Variants in PPP2R5E observed in about 807,000 individuals in gnomAD.
The protein encoded by PPP2R5E is protein phosphatase 2 regulatory subunit B'epsilon.
A neutral mutation model predicts 65.3 loss-of-function variants in PPP2R5E; 4 were observed. That is an observed-to-expected ratio of 0.06 (90% CI 0.03 to 0.14). PPP2R5E has a LOEUF of 0.14. PPP2R5E is among the 10% of genes least tolerant of loss of function. The pLI is 1.00. For missense variants in PPP2R5E, 274 were observed against 556.1 expected, an observed-to-expected ratio of 0.49 and a Z score of 5.10; for synonymous variants, 183 against 187.4, an observed-to-expected ratio of 0.98 and a Z score of 0.19.
intron 2 of PPP2R5E, among the ~76,000 whole-genome samples, chr14:63,467,023 G>A (rs1332538600): frequency 6.6e-6 from 1 of 151,904 alleles, no homozygotes; most frequent in Non-Finnish European, 1.5e-5. Flanking sequence ...TCAGGAGATC[G>A]AGACCATCCT....
chr14:63,506,026 T>C (rs61983974), intron 2 of PPP2R5E, among the ~76,000 whole-genome samples: 19,121 of 152,180 alleles, frequency 0.13, 1,337 homozygotes, highest in East Asian at 0.21. Context: ...TTTCTGAGCA[T>C]GTAAATATTT....
chr14:63,516,704 C>T (rs2139711636), intron 2 of PPP2R5E, among the ~76,000 whole-genome samples: 1 of 152,302 alleles, frequency 6.6e-6, no homozygotes, highest in Middle Eastern at 3.4e-3. Flanking sequence ...TCCAATTCCC[C>T]AATCTCCAAC....
intron 2 of PPP2R5E, among the ~76,000 whole-genome samples, chr14:63,520,851 T>TAAA: frequency 3.7e-5 from 1 of 26,724 alleles, no homozygotes; most frequent in Non-Finnish European, 8.8e-5. Flanking sequence ...TCATCTCTAC[T>TAAA]AAAAATACAA....
intron 2 of PPP2R5E, among the ~76,000 whole-genome samples, chr14:63,520,843 A>G (rs113055727): frequency 0.23 from 31,095 of 135,768 alleles, 4,954 homozygotes; most frequent in African/African-American, 0.47. Flanking sequence ...GTGAAACCTC[A>G]TCTCTACTAA....
chr14:63,487,361 CT>C (rs1167013523), intron 2 of PPP2R5E, among the ~76,000 whole-genome samples: 8 of 152,170 alleles, frequency 5.3e-5, no homozygotes, highest in East Asian at 1.9e-4. Context: ...CCACCCCCCC[CT>C]CTTAAATTCC....
rs1372315138 is a variant in PPP2R5E, at chr14:63,381,629, TATAA to T, written c.1304+423_1304+426del. On this transcript the variant is annotated intron_variant, in intron 13 of 13. Transcript: ENST00000337537. ...GTTAATAAGTGTGCAAAAATGAATA[TATAA>T]ATACAGTCATGTGCCAAATAACAAC... 1.4e-4 allele frequency among the ~76,000 whole-genome samples: 22 copies of T among 152,192 alleles called. 1 individual carries two copies. The highest frequency in any genetic ancestry group is 1.4e-3 in the Admixed American group (22 of 15,280).
At chr14:63,474,413 A>G (rs1322871511) in intron 2 of PPP2R5E, among the ~76,000 whole-genome samples, 23 of 152,138 alleles carry the variant, frequency 1.5e-4, no homozygotes, top group Admixed American at 1.5e-3. Context: ...CAAGTGTTAC[A>G]CTGACAATGT....
rs1883862427 is a variant in PPP2R5E, at chr14:63,374,405, C to T, written c.*1604G>A. On this transcript the variant is annotated 3_prime_UTR_variant, in exon 14 of 14. Coordinates refer to ENST00000337537, the MANE Select transcript of PPP2R5E (RefSeq NM_006246.5). ...AATTCAACATATGAACACAGATCAG[C>T]TCTATACCATGAATACTGCTGGAAG... is the stretch of plus-strand genomic sequence containing the variant. 1 of 151,780 alleles carries T rather than the reference C, an allele frequency of 6.6e-6. No individual in the cohort carries two copies. The highest frequency in any genetic ancestry group is 1.5e-5 in the Non-Finnish European group (1 of 67,928). 9.4% of individuals were successfully genotyped at this position (151,780 alleles called of 1,614,324 possible). A position where few individuals can be genotyped will look rare whatever the true frequency, so the allele number is the denominator to read the frequency against.
chr14:63,415,714 T>C (rs115323388), intron 4 of PPP2R5E, among the ~76,000 whole-genome samples: 452 of 152,332 alleles, frequency 3.0e-3, no homozygotes, highest in African/African-American at 0.01. Context: ...TCATTCTTAG[T>C]AGCTGTAAGT....
chr14:63,513,554 T>C lies in PPP2R5E; in HGVS notation c.157+25975A>G, dbSNP rs559887032. 2.0e-3 allele frequency among the ~76,000 whole-genome samples: 298 copies of C among 152,250 alleles called. 1 individual carries two copies. Among genetic ancestry groups the C allele is most frequent in the Non-Finnish European group, 3.7e-3 (251 of 67,996 alleles). ...AACCTAAAATTCACTTCCTGCATATTAAAAACAAATGAACAGATTGTAGAG... is the reference window on the plus strand; with the variant it reads ...AACCTAAAATTCACTTCCTGCATATCAAAAACAAATGAACAGATTGTAGAG... On this transcript the variant is annotated intron_variant, in intron 2 of 13. Transcript: ENST00000337537.
intron 10 of PPP2R5E, 84 bp from the exon 11 acceptor site, chr14:63,389,815 A>G: frequency 1.5e-6 from 2 of 1,352,996 alleles, no homozygotes; most frequent in Non-Finnish European, 1.9e-6. Flanking sequence ...GAGAGTTTGG[A>G]TTATTTTAAG....
intron 11 of PPP2R5E, among the ~76,000 whole-genome samples, chr14:63,385,140 A>C (rs1045496069): frequency 6.6e-6 from 1 of 152,092 alleles, no homozygotes; most frequent in African/African-American, 2.4e-5. Flanking sequence ...CAGCCTGGGC[A>C]ACATGGGGAG....
chr14:63,453,729 C>T lies in PPP2R5E; in HGVS notation c.314G>A (p.Gly105Asp). Residue 105 changes from glycine to aspartate, a missense_variant, in exon 3 of 14, where the codon GGC becomes GAC. Physicochemically the swap from Gly to Asp is moderately conservative, Grantham distance 94. Coordinates refer to ENST00000337537, the MANE Select transcript of PPP2R5E (RefSeq NM_006246.5). ...ELVDYITISR[G>D]CLTEQTYPEV... ...AGGGTAAGTCTGCTCTGTCAAACAG[C>T]CTCTGCTTATTGTAATGTAGTCCAC... The T allele has an allele frequency of 6.2e-7, 1 of 1,613,722 alleles. No homozygotes were observed. Among genetic ancestry groups the T allele is most frequent in the East Asian group, 2.2e-5 (1 of 44,858 alleles).
At position 63,385,303 on chromosome 14, in the gene PPP2R5E, G is replaced by T. The variant is rs191450720; in HGVS notation, c.1075-732C>A. On this transcript the variant is annotated intron_variant, in intron 11 of 13. Transcript: ENST00000337537. ...ATCATGCCACTGAACTCCAGCTTGG[G>T]TGACAGAGCAAGACCGTGTCTTCTC... Among the ~76,000 whole-genome samples the T allele has an allele frequency of 1.1e-3, 164 of 152,184 alleles. 1 individual carries two copies. The highest frequency in any genetic ancestry group is 3.4e-3 in the Middle Eastern group (1 of 294).
At position 63,499,858 on chromosome 14, in the gene PPP2R5E, C is replaced by T. The variant is rs58519808; in HGVS notation, c.157+39671G>A. Among the ~76,000 whole-genome samples, 554 of 152,308 alleles carry T rather than the reference C, an allele frequency of 3.6e-3. 1 individual carries two copies. Among genetic ancestry groups the T allele is most frequent in the African/African-American group, 0.012 (510 of 41,566 alleles). On this transcript the variant is annotated intron_variant, in intron 2 of 13. Coordinates refer to ENST00000337537, the MANE Select transcript of PPP2R5E (RefSeq NM_006246.5). The stretch of plus-strand genomic sequence containing the variant: ...CCCAAAGAACTTAAGTGGCTTGCTC[C>T]GGGTCATTCAGCTGACTGGTAGCAA...
At chr14:63,441,744 T>C (rs1053076801) in intron 3 of PPP2R5E, among the ~76,000 whole-genome samples, 3 of 152,004 alleles carry the variant, frequency 2.0e-5, no homozygotes, top group Non-Finnish European at 2.9e-5. Context: ...ACACCGTCTC[T>C]ACTAAAACAC....
intron 10 of PPP2R5E, among the ~76,000 whole-genome samples, chr14:63,390,901 C>T (rs893745731): frequency 1.3e-5 from 2 of 152,168 alleles, no homozygotes; most frequent in African/African-American, 4.8e-5. Flanking sequence ...TGCACTACCC[C>T]ATAACAACCT....
At chr14:63,453,384 T>C (rs958182308) in intron 3 of PPP2R5E, 79 of 199,536 alleles carry the variant, frequency 4.0e-4, no homozygotes, top group African/African-American at 1.8e-3. Context: ...CTAAGACTTT[T>C]GTTATTTTCC....
chr14:63,430,357 ACATACATACATACATGCATG>A (rs1439334895), intron 3 of PPP2R5E, among the ~76,000 whole-genome samples: 18 of 128,180 alleles, frequency 1.4e-4, no homozygotes, highest in African/African-American at 3.0e-4. Flanking sequence ...ATACATACAT[ACATACATACATACATGCATG>A]CATACATACA....
Sources: allele counts gnomAD v4.1 joint callset (sites outside exome capture counted in the v4.1 genomes callset), GRCh38; gene constraint gnomAD v4.1.1; transcripts MANE v1.5; gene names NCBI Gene and HGNC (gene_info 2026-07-23, HGNC 2026-07-21).